Variants in CD163L1 observed in about 807,000 individuals in gnomAD.
CD163L1 encodes the protein CD163 molecule like 1.
Under a neutral mutation model 165.4 loss-of-function variants are expected in CD163L1, and 124 were observed. The ratio of observed to expected loss-of-function variants is 0.75; its 90% CI spans 0.65 to 0.87. The LOEUF is 0.87. CD163L1 is among the 40% of genes least tolerant of loss of function. The pLI is 0.00. For missense variants in CD163L1, 1,525 were observed against 1,799.9 expected, an observed-to-expected ratio of 0.85 and a Z score of 2.76; for synonymous variants, 585 against 662.2, an observed-to-expected ratio of 0.88 and a Z score of 1.79.
intron 5 of CD163L1, 103 bp downstream of exon 5, chr12:7,406,429 C>T: frequency 9.2e-6 from 10 of 1,085,574 alleles, no homozygotes; most frequent in South Asian, 1.4e-5. Flanking sequence ...AACTTCTTCA[C>T]AATTCTTACA....
At chr12:7,323,300 C>T in the CD163L1 span, 51 of 1,610,872 alleles carry the variant, frequency 3.2e-5, no homozygotes, top group Non-Finnish European at 4.2e-5. Flanking sequence ...AGGAATGCTG[C>T]CCTATGATGT....
chr12:7,381,041 T>A (rs1947396011), intron 8 of CD163L1, among the ~76,000 whole-genome samples: 1 of 152,154 alleles, frequency 6.6e-6, no homozygotes, highest in South Asian at 2.1e-4. Context: ...TACTTCTTTA[T>A]CTAATTAAAA....
rs1947567734 is a variant in CD163L1 at position 7,388,441 on chromosome 12, AC to A, written c.2050+7653del. Among the ~76,000 whole-genome samples the A allele has an allele frequency of 2.0e-5, 3 of 152,120 alleles. No homozygotes were observed. In the East Asian group the frequency reaches 5.8e-4, roughly 29 times the overall value. On this transcript the variant is annotated intron_variant, in intron 8 of 19. Transcript: ENST00000313599. ...ACTCGACAGGAAAACAAAACAAATA[AC>A]CCCATTACAAAGTGGGCAGGCTGGA...
At chr12:7,364,199 T>C (rs889070490) in intron 18 of CD163L1, among the ~76,000 whole-genome samples, 2 of 152,126 alleles carry the variant, frequency 1.3e-5, no homozygotes, top group Non-Finnish European at 2.9e-5. Context: ...CATATGATCA[T>C]GCCAATAGAT....
intron 2 of CD163L1, chr12:7,440,021 C>T (rs1006388120): frequency 1.4e-6 from 2 of 1,386,026 alleles, no homozygotes; most frequent in Non-Finnish European, 2.0e-6. Context: ...GAGGAAAACC[C>T]GCTGCGACAC....
intron 2 of CD163L1, among the ~76,000 whole-genome samples, chr12:7,437,734 T>G (rs1948758335): frequency 1.3e-5 from 2 of 151,666 alleles, no homozygotes; most frequent in Non-Finnish European, 2.9e-5. Context: ...GTTTGTGGCT[T>G]CAGGGAATCA....
At chr12:7,320,668 C>G in the CD163L1 span, 8 of 1,413,000 alleles carry the variant, frequency 5.7e-6, no homozygotes, top group Admixed American at 1.8e-5. Context: ...GATATCAGCT[C>G]TAGTCATGGC....
Position 7,421,568 on chromosome 12 carries a change from T to C in CD163L1, c.766+10848A>G, listed in dbSNP as rs1025495354. On this transcript the variant is annotated intron_variant, in intron 4 of 19. Transcript: ENST00000313599. ...ACATATACATATACATATATGTACA[T>C]ATATACATGTACATATATACATATA... 3.8e-3 allele frequency among the ~76,000 whole-genome samples: 482 copies of C among 127,860 alleles called. 4 individuals carry two copies. Among genetic ancestry groups the C allele is most frequent in the African/African-American group, 0.015 (444 of 30,482 alleles). The allele number at this position is 127,860 out of a possible 152,430, so 83.9% of individuals were successfully genotyped here.
chr12:7,341,098 T>C, the CD163L1 span, among the ~76,000 whole-genome samples: 2 of 152,228 alleles, frequency 1.3e-5, no homozygotes, highest in Non-Finnish European at 2.9e-5. Context: ...CCATTGCTCC[T>C]AGTATAATAG....
At chr12:7,388,858 C>G (rs1947581916) in intron 8 of CD163L1, among the ~76,000 whole-genome samples, 1 of 151,872 alleles carries the variant, frequency 6.6e-6, no homozygotes, top group Non-Finnish European at 1.5e-5. Context: ...AATCATATGA[C>G]CCAGAAATCC....
chr12:7,409,026 A>G (rs1000459430), intron 4 of CD163L1, among the ~76,000 whole-genome samples: 3 of 152,222 alleles, frequency 2.0e-5, no homozygotes, highest in African/African-American at 7.2e-5. Flanking sequence ...TATGACTTCT[A>G]TGGAAGGTGA....
chr12:7,343,354 T>C (rs1311963461), downstream of CD163L1, among the ~76,000 whole-genome samples: 1 of 152,192 alleles, frequency 6.6e-6, no homozygotes, highest in Non-Finnish European at 1.5e-5. Flanking sequence ...GGTTGAAATC[T>C]CAATCTCAAT....
In CD163L1 at chr12:7,375,285, G is replaced by A; in HGVS notation, c.2997C>T (p.Cys999=). 6.2e-7 allele frequency: 1 copy of A among 1,613,436 alleles called. No individual in the cohort carries two copies. The highest frequency in any genetic ancestry group is 8.5e-7 in the Non-Finnish European group (1 of 1,179,890). ...CCATAAGCACTATTCTCTTACCTGT[G>A]CAGATCACAGAGACAGTATTTCCAT... The part of the protein sequence containing the change: ...CIHGNTVSVI[C]TGSLTQPLFP... Residue 999 remains cysteine (C), a synonymous_variant, in exon 11 of 20, where the codon TGC becomes TGT. Transcript: ENST00000313599.
At chr12:7,320,776 C>T in the CD163L1 span, 23 of 1,613,486 alleles carry the variant, frequency 1.4e-5, no homozygotes, top group South Asian at 1.2e-4. Context: ...CACTGTGTAC[C>T]GGATGCTCGT....
At chr12:7,425,566 T>G (rs948675170) in intron 4 of CD163L1, among the ~76,000 whole-genome samples, 9 of 152,064 alleles carry the variant, frequency 5.9e-5, no homozygotes, top group Admixed American at 2.0e-4. Flanking sequence ...GGGAGAAAAT[T>G]TTTGCAGTCT....
intron 14 of CD163L1, among the ~76,000 whole-genome samples, chr12:7,370,371 T>C (rs1236071443): frequency 6.6e-6 from 1 of 152,220 alleles, no homozygotes; most frequent in Non-Finnish European, 1.5e-5. Context: ...ATCTTATCAT[T>C]TTTATGTTTC....
intron 4 of CD163L1, among the ~76,000 whole-genome samples, chr12:7,421,075 GTA>G (rs746190227): frequency 4.3e-4 from 37 of 86,444 alleles, no homozygotes; most frequent in African/African-American, 2.0e-3. Flanking sequence ...GTATATATAC[GTA>G]TATATATACG....
intron 2 of CD163L1, chr12:7,439,669 C>A: frequency 1.2e-6 from 2 of 1,612,808 alleles, no homozygotes; most frequent in Non-Finnish European, 1.7e-6. Flanking sequence ...AATTTTCTTC[C>A]TAAATTCAAG....
intron 4 of CD163L1, among the ~76,000 whole-genome samples, chr12:7,415,593 C>A (rs535093544): frequency 6.6e-6 from 1 of 151,938 alleles, no homozygotes; most frequent in Non-Finnish European, 1.5e-5. Flanking sequence ...CAACCCCCAA[C>A]AGGCCCTGGT....
Sources: allele counts gnomAD v4.1 joint callset (sites outside exome capture counted in the v4.1 genomes callset), GRCh38; gene constraint gnomAD v4.1.1; transcripts MANE v1.5; gene names NCBI Gene and HGNC (gene_info 2026-07-23, HGNC 2026-07-21).